The following RUNDC3A variants were observed in gnomAD, a reference collection of about 807,000 sequenced individuals.
RUNDC3A encodes the protein RUN domain-containing protein 3A.
RUNDC3A carries 28 observed loss-of-function variants against 53.9 expected under a neutral mutation model. The observed-to-expected ratio is 0.52, with a 90% CI of 0.38 to 0.71. RUNDC3A has a LOEUF of 0.71. RUNDC3A is among the 30% of genes least tolerant of loss of function. The probability of loss-of-function intolerance (pLI) is 0.00; values close to 1 mark genes in which losing one functional copy is unlikely to be tolerated. For missense variants in RUNDC3A, 491 were observed against 597.3 expected (o/e 0.82, Z 1.85); for synonymous variants, 232 against 249.4 (o/e 0.93, Z 0.66).
At chr17:44,313,726 G>A in intron 4 of RUNDC3A, 1 of 1,299,148 alleles carries the variant, frequency 7.7e-7, no homozygotes. Flanking sequence ...TTGTTGCCCA[G>A]GCTGGAGTGC....
Position 44,312,584 on chromosome 17 carries a change from T to G in RUNDC3A, c.112T>G (p.Ser38Ala). 6.4e-7 allele frequency: 1 copy of G among 1,564,290 alleles called. No homozygotes were observed. Among genetic ancestry groups the G allele is most frequent in the Non-Finnish European group, 8.7e-7 (1 of 1,153,582 alleles). Residue 38 changes from serine to alanine, a missense_variant, in exon 2 of 11, where the codon TCT becomes GCT. By Grantham distance (99) the Ser-to-Ala change is moderately conservative. This residue lies in a region of RUNDC3A where 273 missense variants were observed against 389.0 expected (regional missense o/e 0.70). Transcript: ENST00000426726. ...RKNLITVCRF[S>A]VKTLLEKYTA... ...TCTCCCCACCTCGCCGCCCAGGTTC[T>G]CTGTGAAAACGCTGCTGGAGAAGTA...
chr17:44,312,353 G>C (rs1238997786), intron 1 of RUNDC3A, among the ~76,000 whole-genome samples: 1 of 151,888 alleles, frequency 6.6e-6, no homozygotes, highest in Non-Finnish European at 1.5e-5. Flanking sequence ...TTGTCAATCA[G>C]TCTCCCACCT....
At chr17:44,309,549 C>T (rs377162637) in intron 1 of RUNDC3A, among the ~76,000 whole-genome samples, 2 of 152,048 alleles carry the variant, frequency 1.3e-5, no homozygotes, top group East Asian at 1.9e-4. Context: ...GAGGGTGGAA[C>T]GGTTGCAGGG....
rs1267022919 is a variant in RUNDC3A, at chr17:44,310,885, AAC to A, written c.108-1691_108-1690del. The A allele has an allele frequency of 3.0e-6, 3 of 985,412 alleles. No homozygotes were observed. In the African/African-American group the frequency reaches 5.2e-5, roughly 17 times the overall value. 61.0% of individuals were successfully genotyped at this position (985,412 alleles called of 1,614,324 possible). ...ATAGTGAAGCTGGAATAATGCCCCA[AAC>A]ACAGGCTGGCTCTCAGCAGGGCCAG... On this transcript the variant is annotated intron_variant, in intron 1 of 10. Transcript: ENST00000426726.
Position 44,314,964 on chromosome 17 carries a change from C to A in RUNDC3A, c.584C>A (p.Thr195Asn), listed in dbSNP as rs540533779. 3.7e-6 allele frequency: 6 copies of A among 1,613,894 alleles called. No homozygotes were observed. The highest frequency in any genetic ancestry group is 1.1e-5 in the South Asian group (1 of 91,096). ...CLKGEVLDGK[T>N]PVVIDYTPYL... is the part of the protein sequence containing the mutation. ...AAGGGGGAAGTCCTGGACGGGAAGA[C>A]CCCCGTGGTCATCGATTACACGCCC... The change falls in exon 6 of 11, where the codon ACC (threonine) becomes AAC (asparagine). Residue 195 changes from threonine (T) to asparagine (N), a missense_variant. This residue lies in a region of RUNDC3A where 273 missense variants were observed against 389.0 expected (regional missense o/e 0.70). Transcript: ENST00000426726.
In RUNDC3A at chr17:44,313,170, T is replaced by A; in HGVS notation, c.290T>A (p.Ile97Asn). Residue 97 changes from isoleucine to asparagine, a missense_variant, in exon 3 of 11, where the codon ATC (isoleucine) becomes AAC (asparagine). Transcript: ENST00000426726. ...SDGQRGFWDY[I>N]RLACSKVPNN... ...GGGCAGCGGGGCTTTTGGGACTATA[T>A]CCGGCTGGCCTGCAGCAAAGTGCCC... The A allele has an allele frequency of 6.2e-7, 1 of 1,614,016 alleles. No homozygotes were observed. Among genetic ancestry groups the A allele is most frequent in the East Asian group, 2.2e-5 (1 of 44,876 alleles).
At position 44,315,571 on chromosome 17, in the gene RUNDC3A, G is replaced by C; in HGVS notation, c.915G>C (p.Arg305=). 2.6e-6 allele frequency: 4 copies of C among 1,510,944 alleles called. No individual in the cohort carries two copies. The highest frequency in any genetic ancestry group is 3.5e-6 in the Non-Finnish European group (4 of 1,129,562). The allele number at this position is 1,510,944 out of a possible 1,614,324, so 93.6% of individuals were successfully genotyped here. The change falls in exon 8 of 11, where the codon CGG becomes CGC. Residue 305 remains arginine (R), a synonymous_variant. Coordinates refer to ENST00000426726, the MANE Select transcript of RUNDC3A (RefSeq NM_001144825.2). This position sits in a 1 kb window ranked among gnomAD's most constrained non-coding sequence, Gnocchi z 6.1. Reference sequence around the variant, plus strand: ...CGGCGCAGAACCAGCGCGAGAAACGGGAGCTGGAAGGCGTGATCCTGGAGC... The same window carrying C: ...CGGCGCAGAACCAGCGCGAGAAACGCGAGCTGGAAGGCGTGATCCTGGAGC... ...EAAAQNQREK[R]ELEGVILELQ... is the part of the protein sequence containing the mutation.
At chr17:44,314,132 G>A in intron 4 of RUNDC3A, 1 of 992,992 alleles carries the variant, frequency 1.0e-6, no homozygotes, top group Non-Finnish European at 1.2e-6. Context: ...CTACAACACA[G>A]CCCTTCTGTC....
chr17:44,315,070 TC>T lies in RUNDC3A; in HGVS notation c.629+63del. On this transcript the variant is annotated intron_variant, in intron 6 of 10. Coordinates refer to ENST00000426726, the MANE Select transcript of RUNDC3A (RefSeq NM_001144825.2). The surrounding 1 kb of genome is among the most constrained non-coding windows in gnomAD (Gnocchi z 6.1). ...GGGGCCTCGGGACATCCTGGGGACGTCCTGGTCCCACCGCCCTCAGCGGCCA... is the reference window on the plus strand; with the variant it reads ...GGGGCCTCGGGACATCCTGGGGACGTCTGGTCCCACCGCCCTCAGCGGCCA... 1 of 1,608,564 alleles carries T rather than the reference TC, an allele frequency of 6.2e-7. No individual in the cohort carries two copies. The highest frequency in any genetic ancestry group is 8.5e-7 in the Non-Finnish European group (1 of 1,177,926).
rs2047741450 is a variant in RUNDC3A at position 44,311,157 on chromosome 17, T to A, written c.108-1423T>A. ...AACCCCAAGACTGACCTGGCTCTGA[T>A]CTCAAGGCAGTTCAACTCCAAGTTC... On this transcript the variant is annotated intron_variant, in intron 1 of 10. Transcript: ENST00000426726. The A allele has an allele frequency of 4.1e-6, 4 of 985,426 alleles. 1 individual carries two copies. Among genetic ancestry groups the A allele is most frequent in the Non-Finnish European group, 4.8e-6 (4 of 830,002 alleles). The allele number at this position is 985,426 out of a possible 1,614,324, so 61.0% of individuals were successfully genotyped here. A position where few individuals can be genotyped will look rare whatever the true frequency, so the allele number is the denominator to read the frequency against.
chr17:44,315,445 C>A lies in RUNDC3A; in HGVS notation c.796-7C>A. 6.9e-7 allele frequency: 1 copy of A among 1,440,808 alleles called. No homozygotes were observed. Among genetic ancestry groups the A allele is most frequent in the Non-Finnish European group, 9.1e-7 (1 of 1,095,108 alleles). The allele number at this position is 1,440,808 out of a possible 1,614,324, so 89.3% of individuals were successfully genotyped here. On this transcript the variant is annotated splice_polypyrimidine_tract_variant and splice_region_variant and intron_variant, in intron 7 of 10. Transcript: ENST00000426726. The surrounding 1 kb of genome is among the most constrained non-coding windows in gnomAD (Gnocchi z 6.1). ...CCAGCCGCCCGGGCTGAGCCGGCGC[C>A]CCGCAGGGCTACCTGGAGGAGCTGG...
intron 10 of RUNDC3A, chr17:44,317,226 A>G (rs1250956430): frequency 1.7e-6 from 1 of 586,278 alleles, no homozygotes; most frequent in Non-Finnish European, 3.1e-6. Flanking sequence ...TGCAGAACCC[A>G]GCATAAATCT....
intron 10 of RUNDC3A, chr17:44,317,367 T>C: frequency 1.3e-6 from 1 of 744,290 alleles, no homozygotes; most frequent in East Asian, 2.5e-5. Context: ...TTTAGTGTCA[T>C]GACATCCTCG....
intron 10 of RUNDC3A, 104 bp from the exon 11 acceptor site, chr17:44,317,992 T>C: frequency 2.5e-6 from 3 of 1,195,622 alleles, no homozygotes; most frequent in Non-Finnish European, 3.5e-6. Context: ...TATGCCAAGG[T>C]CTCCTGGGGG....
At chr17:44,317,851 AAGAG>A in intron 10 of RUNDC3A, 1 of 568,546 alleles carries the variant, frequency 1.8e-6, no homozygotes, top group Non-Finnish European at 3.1e-6. Context: ...TAAATGGACA[AAGAG>A]AGAGGATGAC....
Position 44,315,298 on chromosome 17 carries a change from T to C in RUNDC3A, c.773T>C (p.Phe258Ser). 1 of 1,492,306 alleles carries C rather than the reference T, an allele frequency of 6.7e-7. No individual in the cohort carries two copies. Among genetic ancestry groups the C allele is most frequent in the South Asian group, 1.2e-5 (1 of 80,524 alleles). 92.4% of individuals were successfully genotyped at this position (1,492,306 alleles called of 1,614,324 possible). A position where few individuals can be genotyped will look rare whatever the true frequency, so the allele number is the denominator to read the frequency against. The change falls in exon 7 of 11, where the codon TTC becomes TCC. Residue 258 changes from phenylalanine (F) to serine (S), a missense_variant. This residue lies in a region of RUNDC3A where 273 missense variants were observed against 389.0 expected (regional missense o/e 0.70). Coordinates refer to ENST00000426726, the MANE Select transcript of RUNDC3A (RefSeq NM_001144825.2). The surrounding 1 kb of genome is among the most constrained non-coding windows in gnomAD (Gnocchi z 6.1). ...AAGTGGCACAAGATGGAGCAGAAGT[T>C]CCGCATCGTCTACGCGCAGAAGGTG... ...YSKWHKMEQKFRIVYAQKGYL... is the reference protein window; with the variant it reads ...YSKWHKMEQKSRIVYAQKGYL...
At chr17:44,313,702 A>C in intron 4 of RUNDC3A, 199 bp downstream of exon 4, 2 of 1,240,096 alleles carry the variant, frequency 1.6e-6, no homozygotes, top group East Asian at 3.1e-5. Context: ...TTTTTTTGAG[A>C]AGGAGTTTCG....
Position 44,316,744 on chromosome 17 carries a change from A to T in RUNDC3A, c.1198+19A>T, listed in dbSNP as rs1304999930. 6.6e-7 allele frequency: 1 copy of T among 1,512,430 alleles called. No homozygotes were observed. Among genetic ancestry groups the T allele is most frequent in the Non-Finnish European group, 9.0e-7 (1 of 1,116,640 alleles). 93.7% of individuals were successfully genotyped at this position (1,512,430 alleles called of 1,614,324 possible). A position where few individuals can be genotyped will look rare whatever the true frequency, so the allele number is the denominator to read the frequency against. On this transcript the variant is annotated intron_variant, in intron 10 of 10. Transcript: ENST00000426726. Reference sequence around the variant, plus strand: ...CCCATCGGTGAGCTCCCCCAACCCAACACCCAGTACCCCTCCAGAAAGGGC... The same window carrying T: ...CCCATCGGTGAGCTCCCCCAACCCATCACCCAGTACCCCTCCAGAAAGGGC...
At position 44,315,052 on chromosome 17, in the gene RUNDC3A, C is replaced by T. The variant is rs763327431; in HGVS notation, c.629+43C>T. 1.2e-6 allele frequency: 2 copies of T among 1,611,638 alleles called. No homozygotes were observed. On this transcript the variant is annotated intron_variant, in intron 6 of 10. Coordinates refer to ENST00000426726, the MANE Select transcript of RUNDC3A (RefSeq NM_001144825.2). This position sits in a 1 kb window ranked among gnomAD's most constrained non-coding sequence, Gnocchi z 6.1. Reference sequence around the variant, plus strand: ...TGCGGCGGGGCGGGGGACGGGGCCTCGGGACATCCTGGGGACGTCCTGGTC... The same window carrying T: ...TGCGGCGGGGCGGGGGACGGGGCCTTGGGACATCCTGGGGACGTCCTGGTC...
Sources: gnomAD v4.1 joint callset for allele counts (sites outside exome capture counted in the v4.1 genomes callset) on GRCh38, gnomAD v4.1.1 for gene constraint, gnomAD v4.1.1 regional missense constraint, Gnocchi (gnomAD v3.1) non-coding constraint, MANE v1.5 for transcripts, NCBI Gene and HGNC (gene_info 2026-07-23, HGNC 2026-07-21) for gene names.